The following RARB variants were observed in gnomAD, a reference collection of about 807,000 sequenced individuals.
RARB encodes retinoic acid receptor beta.
In RARB, 17 loss-of-function variants were observed where a neutral mutation model predicts 51.9. That is an observed-to-expected ratio of 0.33 (90% CI 0.22 to 0.49). The LOEUF is 0.49. Ranked by LOEUF, RARB falls within the 20% of genes least tolerant of loss-of-function variation. The pLI, the probability that RARB is intolerant of heterozygous loss-of-function variation, is 0.99. For synonymous variants in RARB, 215 were observed against 195.4 expected, an observed-to-expected ratio of 1.10 and a Z score of -0.84; for missense variants, 369 against 550.8, an observed-to-expected ratio of 0.67 and a Z score of 3.30.
At chr3:24,991,891 C>A (rs757183122) in intron 2 of RARB, among the ~76,000 whole-genome samples, 2 of 152,068 alleles carry the variant, frequency 1.3e-5, no homozygotes, top group African/African-American at 2.4e-5. Flanking sequence ...TCTCCCCCTG[C>A]CCCCAGCATG....
chr3:25,440,527 C>G (rs575703271), intron 1 of RARB, among the ~76,000 whole-genome samples: 11 of 151,492 alleles, frequency 7.3e-5, no homozygotes, highest in African/African-American at 2.7e-4. Context: ...AATCCCAGCA[C>G]TTTGGGAGGC....
At chr3:24,995,271 A>G (rs1696997812) in intron 2 of RARB, among the ~76,000 whole-genome samples, 1 of 149,214 alleles carries the variant, frequency 6.7e-6, no homozygotes, top group Non-Finnish European at 1.5e-5. Flanking sequence ...TGCCTTTTTT[A>G]TGTCTTTTTT....
At chr3:25,332,506 G>A (rs1704932872) in intron 5 of RARB, among the ~76,000 whole-genome samples, 1 of 152,112 alleles carries the variant, frequency 6.6e-6, no homozygotes, top group African/African-American at 2.4e-5. Flanking sequence ...CAATAAACTA[G>A]GTATTGATGG....
chr3:24,961,789 A>G (rs10510548), intron 2 of RARB, among the ~76,000 whole-genome samples: 32,040 of 152,192 alleles, frequency 0.21, 3,954 homozygotes, highest in East Asian at 0.35. Context: ...GTTTATCTCC[A>G]TTTAATCTAG....
intron 5 of RARB, among the ~76,000 whole-genome samples, chr3:25,276,155 A>G (rs13090773): frequency 0.39 from 59,576 of 152,076 alleles, 13,443 homozygotes; most frequent in Admixed American, 0.56. Context: ...ATATGTGTGA[A>G]TCATAAAAAA....
chr3:25,489,864 C>T (rs1241850308), intron 2 of RARB, among the ~76,000 whole-genome samples: 1 of 152,206 alleles, frequency 6.6e-6, no homozygotes, highest in Non-Finnish European at 1.5e-5. Flanking sequence ...GGCTTTAAAC[C>T]ATTTCATTGC....
At chr3:25,438,512 A>G (rs1297061714) in intron 1 of RARB, among the ~76,000 whole-genome samples, 1 of 152,202 alleles carries the variant, frequency 6.6e-6, no homozygotes, top group African/African-American at 2.4e-5. Flanking sequence ...ATGCTACTCT[A>G]ATGACAACAT....
intron 5 of RARB, among the ~76,000 whole-genome samples, chr3:25,351,342 G>A (rs1053644110): frequency 2.0e-5 from 3 of 151,128 alleles, no homozygotes; most frequent in East Asian, 3.9e-4. Flanking sequence ...TTGAAAATTC[G>A]GTATAATTTG....
intron 3 of RARB, among the ~76,000 whole-genome samples, chr3:25,538,760 A>T (rs1699245719): frequency 1.3e-5 from 2 of 152,266 alleles, no homozygotes; most frequent in South Asian, 4.1e-4. Flanking sequence ...AATCTATTGT[A>T]TAATATACAT....
chr3:25,289,624 G>A (rs1279098621), intron 5 of RARB, among the ~76,000 whole-genome samples: 1 of 152,192 alleles, frequency 6.6e-6, no homozygotes, highest in African/African-American at 2.4e-5. Context: ...TTGAAGGATT[G>A]CACTTTTCCT....
At chr3:25,562,217 A>G (rs1193810181) in intron 3 of RARB, among the ~76,000 whole-genome samples, 2 of 151,446 alleles carry the variant, frequency 1.3e-5, no homozygotes, top group Non-Finnish European at 2.9e-5. Context: ...AAAATTGATT[A>G]TGGAAGAGAT....
chr3:25,022,562 C>A (rs1483977640), intron 2 of RARB, among the ~76,000 whole-genome samples: 1 of 152,174 alleles, frequency 6.6e-6, no homozygotes, highest in East Asian at 1.9e-4. Context: ...ACTGGCAATG[C>A]AAGAGCATTC....
intron 4 of RARB, among the ~76,000 whole-genome samples, chr3:25,172,980 C>T (rs1454332268): frequency 6.6e-6 from 1 of 152,200 alleles, no homozygotes; most frequent in Non-Finnish European, 1.5e-5. Flanking sequence ...TAGAATCACG[C>T]TCTTAACAAC....
chr3:25,372,833 G>GA (rs1247289536), intron 5 of RARB, among the ~76,000 whole-genome samples: 3 of 151,900 alleles, frequency 2.0e-5, no homozygotes, highest in Non-Finnish European at 2.9e-5. Flanking sequence ...CTCCAAAAAG[G>GA]AAAAAAAGAA....
rs147546735 is a variant in RARB, at chr3:24,936,842, A to G, written c.-380+78090A>G. 8.6e-3 allele frequency among the ~76,000 whole-genome samples: 1,306 copies of G among 152,308 alleles called. 15 individuals are homozygous for G. The highest frequency in any genetic ancestry group is 0.03 in the African/African-American group (1,249 of 41,562). On this transcript the variant is annotated intron_variant, in intron 2 of 11. Coordinates refer to the RARB transcript ENST00000383772. The stretch of plus-strand genomic sequence containing the variant: ...TTTCCATGATTTATATAGTCAGAAT[A>G]CTGACCTATAATTAAGTGTACTTGA...
intron 3 of RARB, among the ~76,000 whole-genome samples, chr3:25,550,327 A>G (rs1013944700): frequency 2.6e-5 from 4 of 152,164 alleles, no homozygotes; most frequent in African/African-American, 9.7e-5. Flanking sequence ...CAAAAATACC[A>G]TAGACTAGGT....
At chr3:25,322,283 G>A (rs1704593938) in intron 5 of RARB, among the ~76,000 whole-genome samples, 1 of 152,160 alleles carries the variant, frequency 6.6e-6, no homozygotes, top group Non-Finnish European at 1.5e-5. Flanking sequence ...AAGCCATAGA[G>A]GGATAAGTGA....
At chr3:25,411,341 A>G (rs1707556506) in intron 5 of RARB, among the ~76,000 whole-genome samples, 1 of 152,204 alleles carries the variant, frequency 6.6e-6, no homozygotes, top group Non-Finnish European at 1.5e-5. Context: ...TGAAATGATA[A>G]AAACAACTCT....
intron 4 of RARB, among the ~76,000 whole-genome samples, chr3:25,133,405 T>A (rs1699982971): frequency 1.3e-5 from 2 of 151,928 alleles, no homozygotes; most frequent in South Asian, 4.1e-4. Flanking sequence ...CTCTGCAAGT[T>A]TTTGGTTGTG....
Sources: gnomAD v4.1 joint callset for allele counts (sites outside exome capture counted in the v4.1 genomes callset) on GRCh38, gnomAD v4.1.1 for gene constraint, MANE v1.5 for transcripts, NCBI Gene and HGNC (gene_info 2026-07-23, HGNC 2026-07-21) for gene names.